Variants in KMT5B observed in about 807,000 individuals in gnomAD.
KMT5B encodes histone-lysine N-methyltransferase KMT5B.
A neutral mutation model predicts 83.2 loss-of-function variants in KMT5B; 10 were observed. The observed-to-expected ratio is 0.12, with a 90% confidence interval of 0.07 to 0.20. The LOEUF is 0.20. KMT5B is among the 10% of genes least tolerant of loss of function. The probability of loss-of-function intolerance (pLI) is 1.00; values close to 1 mark genes in which losing one functional copy is unlikely to be tolerated. For synonymous variants in KMT5B, 349 were observed against 388.8 expected (o/e 0.90, Z 1.20); for missense variants, 753 against 1,067.2 (o/e 0.71, Z 4.10).
chr11:68,174,104 G>A (rs948596598), intron 5 of KMT5B, 191 bp from the exon 6 acceptor site: 8 of 638,132 alleles, frequency 1.3e-5, no homozygotes, highest in South Asian at 3.0e-5. Context: ...TGCCAGCTAC[G>A]TGGGAGGCTG....
At chr11:68,172,536 A>G (rs1484413461) in intron 6 of KMT5B, among the ~76,000 whole-genome samples, 2 of 152,100 alleles carry the variant, frequency 1.3e-5, no homozygotes, top group Non-Finnish European at 2.9e-5. Flanking sequence ...CCCAGCCAAC[A>G]ATATATTTTA....
chr11:68,165,607 G>C (rs1038560866), intron 10 of KMT5B: 2 of 570,784 alleles, frequency 3.5e-6, no homozygotes, highest in African/African-American at 3.9e-5. Context: ...ATGTAGCTGG[G>C]GCTACAGGTG....
In KMT5B at chr11:68,158,730, C is replaced by T. The variant is rs367596003; in HGVS notation, c.1616G>A (p.Arg539Gln). Reference protein sequence around the residue: ...GESSPCTYITRRSVRTRTNLK... With the variant: ...GESSPCTYITQRSVRTRTNLK... ...ATTTGTTCTTGTCCTCACTGACCGC[C>T]GAGTTATGTAGGTGCAGGGCGAGCT... Residue 539 changes from arginine to glutamine, a missense_variant, in exon 11 of 11, where the codon CGG becomes CAG. Arg to Gln is a conservative substitution (Grantham distance 43, BLOSUM62 1). Transcript: ENST00000304363. 1.6e-5 allele frequency: 26 copies of T among 1,613,940 alleles called. No individual in the cohort carries two copies. In the Admixed American group the frequency reaches 2.0e-4, roughly 12 times the overall value.
chr11:68,164,746 T>C (rs922480163), intron 10 of KMT5B: 8 of 483,202 alleles, frequency 1.7e-5, no homozygotes, highest in African/African-American at 9.8e-5. Flanking sequence ...TGTACACCTT[T>C]CTTCTGTAAT....
intron 3 of KMT5B, among the ~76,000 whole-genome samples, chr11:68,183,887 T>C (rs1389037127): frequency 6.6e-6 from 1 of 151,634 alleles, no homozygotes; most frequent in Non-Finnish European, 1.5e-5. Context: ...CTCGAACTCC[T>C]GACCTCTGGT....
At chr11:68,186,052 A>C in intron 2 of KMT5B, 124 bp from the exon 3 acceptor site, 1 of 835,098 alleles carries the variant, frequency 1.2e-6, no homozygotes, top group Non-Finnish European at 1.8e-6. Flanking sequence ...TCATTTTAGT[A>C]ATTAAGAATT....
chr11:68,175,239 T>C, intron 4 of KMT5B, 56 bp from the exon 5 acceptor site: 1 of 1,431,854 alleles, frequency 7.0e-7, no homozygotes, highest in Non-Finnish European at 9.8e-7. Flanking sequence ...GCGCCACTGA[T>C]CCATCTTAAC....
At chr11:68,186,632 A>T (rs1305576213) in intron 2 of KMT5B, among the ~76,000 whole-genome samples, 2 of 152,258 alleles carry the variant, frequency 1.3e-5, no homozygotes, top group African/African-American at 4.8e-5. Flanking sequence ...GTGGAAGAAA[A>T]GCAATGTAAA....
chr11:68,174,099 G>A (rs1354353578), intron 5 of KMT5B, 186 bp from the exon 6 acceptor site: 1 of 646,076 alleles, frequency 1.5e-6, no homozygotes, highest in Non-Finnish European at 2.9e-6. Flanking sequence ...TTTAGTGCCA[G>A]CTACGTGGGA....
chr11:68,159,348 GTTCTT>G (rs530034803), intron 10 of KMT5B, among the ~76,000 whole-genome samples, 177 bp from the exon 11 acceptor site: 137 of 152,300 alleles, frequency 9.0e-4, no homozygotes, highest in African/African-American at 3.2e-3. Flanking sequence ...TCTCTTTGAA[GTTCTT>G]TTCTAATTTA....
chr11:68,213,109 C>G (rs1405984782), intron 1 of KMT5B, 29 bp downstream of exon 1: 1 of 137,128 alleles, frequency 7.3e-6, no homozygotes, highest in Non-Finnish European at 1.6e-5. Flanking sequence ...CGCACACCCT[C>G]GCCGGCGCCC....
intron 10 of KMT5B, among the ~76,000 whole-genome samples, chr11:68,165,490 G>A (rs1225520767): frequency 1.3e-5 from 2 of 151,562 alleles, no homozygotes; most frequent in African/African-American, 4.9e-5. Context: ...GGGACAGAGC[G>A]AGACTCCGTC....
Position 68,157,648 on chromosome 11 carries a change from C to T in KMT5B, c.*40G>A. ...AATAATTGACTGGAATTTTTTATTT[C>T]TTTAAAGTAGTTATCCCAGGTCAAG... On this transcript the variant is annotated 3_prime_UTR_variant, in exon 11 of 11. Transcript: ENST00000304363. The T allele has an allele frequency of 1.3e-6, 2 of 1,498,712 alleles. No homozygotes were observed. The highest frequency in any genetic ancestry group is 2.5e-4 in the Middle Eastern group (1 of 4,010). 92.8% of individuals were successfully genotyped at this position (1,498,712 alleles called of 1,614,324 possible). A position where few individuals can be genotyped will look rare whatever the true frequency, so the allele number is the denominator to read the frequency against.
In KMT5B at chr11:68,155,681, AT is replaced by A. The variant is rs1415609235; in HGVS notation, c.*2006del. On this transcript the variant is annotated 3_prime_UTR_variant, in exon 11 of 11. Coordinates refer to ENST00000304363, the MANE Select transcript of KMT5B (RefSeq NM_017635.5). ...ATCTTCCTCAGTGGCAGGGGTTCAC[AT>A]TTCTATGCAGGGACCCCATGAGGGC... The A allele has an allele frequency of 6.6e-6, 1 of 152,106 alleles. No individual in the cohort carries two copies. The highest frequency in any genetic ancestry group is 1.5e-5 in the Non-Finnish European group (1 of 68,046). The allele number at this position is 152,106 out of a possible 1,614,324, so 9.4% of individuals were successfully genotyped here.
At chr11:68,181,082 T>C (rs920800838) in intron 3 of KMT5B, among the ~76,000 whole-genome samples, 11 of 151,660 alleles carry the variant, frequency 7.3e-5, no homozygotes, top group African/African-American at 1.2e-4. Context: ...TTTCTTTTTT[T>C]TTTTTTTTTG....
intron 5 of KMT5B, among the ~76,000 whole-genome samples, chr11:68,174,460 A>G (rs1305392077): frequency 6.6e-6 from 1 of 152,162 alleles, no homozygotes; most frequent in Non-Finnish European, 1.5e-5. Flanking sequence ...CTCACTCTGT[A>G]TGAGTACCTA....
At chr11:68,164,614 T>C in intron 10 of KMT5B, 1 of 505,108 alleles carries the variant, frequency 2.0e-6, no homozygotes, top group Non-Finnish European at 4.0e-6. Context: ...CACTGAGCCA[T>C]GCCTATCCAC....
At chr11:68,163,525 A>G (rs1170874157) in intron 10 of KMT5B, among the ~76,000 whole-genome samples, 12 of 152,236 alleles carry the variant, frequency 7.9e-5, no homozygotes. Context: ...AGGGTGGCAC[A>G]AGACTTCCAG....
intron 1 of KMT5B, among the ~76,000 whole-genome samples, chr11:68,201,515 T>C (rs576404189): frequency 6.6e-6 from 1 of 152,276 alleles, no homozygotes; most frequent in African/African-American, 2.4e-5. Flanking sequence ...AGAACTCTGA[T>C]TCCAATCCAT....
Sources: allele counts gnomAD v4.1 joint callset (sites outside exome capture counted in the v4.1 genomes callset), GRCh38; gene constraint gnomAD v4.1.1; transcripts MANE v1.5; gene names NCBI Gene and HGNC (gene_info 2026-07-23, HGNC 2026-07-21).